PAFAH2: variants seen among roughly 807,000 people sequenced by gnomAD.
The protein encoded by PAFAH2 is platelet-activating factor acetylhydrolase 2, cytoplasmic.
PAFAH2 carries 42 observed loss-of-function variants against 49.0 expected under a neutral mutation model. That is an observed-to-expected ratio of 0.86 (90% CI 0.67 to 1.11). PAFAH2 has a LOEUF of 1.11. PAFAH2 is among the 50% of genes least tolerant of loss of function. PAFAH2 has a pLI of 0.00. For synonymous variants in PAFAH2, 184 were observed against 181.3 expected, an observed-to-expected ratio of 1.01 and a Z score of -0.12; for missense variants, 503 against 501.8, an observed-to-expected ratio of 1.00 and a Z score of -0.02.
At position 25,988,278 on chromosome 1, in the gene PAFAH2, G is replaced by C; in HGVS notation, c.294C>G (p.Asp98Glu). 1 of 1,610,742 alleles carries C rather than the reference G, an allele frequency of 6.2e-7. No homozygotes were observed. Among genetic ancestry groups the C allele is most frequent in the Non-Finnish European group, 8.5e-7 (1 of 1,178,504 alleles). ...VSWNGPFKTK[D>E]SGYPLIIFSH... Reference sequence around the variant, plus strand: ...AGAAGATGATCAAGGGGTATCCAGAGTCCTTTGTCTTAAAGGGGCCATTCC... The same window carrying C: ...AGAAGATGATCAAGGGGTATCCAGACTCCTTTGTCTTAAAGGGGCCATTCC... The change falls in exon 4 of 11, where the codon GAC (aspartate) becomes GAG (glutamate). Residue 98 changes from aspartate to glutamate, a missense_variant. Transcript: ENST00000374282.
At position 25,960,341 on chromosome 1, in the gene PAFAH2, TG is replaced by T. The variant is rs778770725; in HGVS notation, c.*1647del. On this transcript the variant is annotated 3_prime_UTR_variant, in exon 11 of 11. Coordinates refer to ENST00000374282, the MANE Select transcript of PAFAH2 (RefSeq NM_000437.4). ...CCCTTTTGCTCTTACCTACTTGGAC[TG>T]AGGCACGAAGTCTTGAGTAGTGGAG... The T allele has an allele frequency of 2.0e-5, 3 of 152,824 alleles. No individual in the cohort carries two copies. Among genetic ancestry groups the T allele is most frequent in the African/African-American group, 4.8e-5 (2 of 41,590 alleles). 9.5% of individuals were successfully genotyped at this position (152,824 alleles called of 1,614,324 possible). A position where few individuals can be genotyped will look rare whatever the true frequency, so the allele number is the denominator to read the frequency against.
intron 7 of PAFAH2, among the ~76,000 whole-genome samples, chr1:25,981,874 A>G (rs976734011): frequency 1.4e-4 from 22 of 152,142 alleles, no homozygotes; most frequent in Non-Finnish European, 5.9e-5. Context: ...TACAAAAATT[A>G]GCCAGGCACA....
At chr1:25,963,027 T>C (rs1344321533) in intron 10 of PAFAH2, among the ~76,000 whole-genome samples, 1 of 151,790 alleles carries the variant, frequency 6.6e-6, no homozygotes, top group African/African-American at 2.4e-5. Context: ...TCACAGCCAA[T>C]AGGGGTAACT....
chr1:25,962,821 G>GAA (rs112823048), intron 10 of PAFAH2, among the ~76,000 whole-genome samples: 6 of 105,296 alleles, frequency 5.7e-5, no homozygotes, highest in Non-Finnish European at 6.1e-5. Flanking sequence ...CCATGTCTCA[G>GAA]AAAAAAAAAA....
intron 4 of PAFAH2, among the ~76,000 whole-genome samples, chr1:25,987,638 G>A (rs1569571419): frequency 6.6e-6 from 1 of 152,016 alleles, no homozygotes; most frequent in East Asian, 1.9e-4. Flanking sequence ...CAGCACTTTT[G>A]GAAGGCTAGA....
At chr1:25,993,169 G>C (rs530416931) in intron 1 of PAFAH2, among the ~76,000 whole-genome samples, 2 of 152,188 alleles carry the variant, frequency 1.3e-5, no homozygotes. Context: ...TCCCTTTCTT[G>C]GTTAAACCAA....
chr1:25,970,282 C>T (rs1469250962), intron 10 of PAFAH2, among the ~76,000 whole-genome samples: 1 of 152,168 alleles, frequency 6.6e-6, no homozygotes, highest in Non-Finnish European at 1.5e-5. Flanking sequence ...GCCAGGCCAA[C>T]ATGGTGAAAC....
chr1:25,993,153 G>A (rs914494677), intron 1 of PAFAH2, among the ~76,000 whole-genome samples: 3 of 152,204 alleles, frequency 2.0e-5, no homozygotes, highest in African/African-American at 7.2e-5. Flanking sequence ...ACATGAGTCA[G>A]TAAGTTCCCT....
chr1:25,983,174 T>G (rs547885916), intron 6 of PAFAH2, among the ~76,000 whole-genome samples: 1 of 152,110 alleles, frequency 6.6e-6, no homozygotes, highest in South Asian at 2.1e-4. Context: ...GAGGATCGCT[T>G]GAGTTCAGGA....
In PAFAH2 at chr1:25,961,791, G is replaced by T; in HGVS notation, c.*198C>A. 2.0e-6 allele frequency: 1 copy of T among 495,912 alleles called. No homozygotes were observed. The highest frequency in any genetic ancestry group is 3.3e-5 in the East Asian group (1 of 30,580). 30.7% of individuals were successfully genotyped at this position (495,912 alleles called of 1,614,324 possible). On this transcript the variant is annotated 3_prime_UTR_variant, in exon 11 of 11. Coordinates refer to ENST00000374282, the MANE Select transcript of PAFAH2 (RefSeq NM_000437.4). ...AGAAAGTCTGTTTGTCAATCAGCAA[G>T]GGATCCCAGTCCCAAAGTGATTTTA...
At chr1:25,997,403 G>C (rs2049951448) in intron 1 of PAFAH2, 1 of 152,166 alleles carries the variant, frequency 6.6e-6, no homozygotes, top group South Asian at 2.1e-4. Context: ...AGTTTACAAG[G>C]CATCTTCACA....
chr1:25,972,434 A>T (rs2049522666), intron 10 of PAFAH2, 124 bp downstream of exon 10: 2 of 1,069,034 alleles, frequency 1.9e-6, no homozygotes, highest in Non-Finnish European at 1.4e-6. Flanking sequence ...TCTCTCCTTC[A>T]CTCAGGTTTT....
At chr1:25,994,288 C>T (rs1346773370) in intron 1 of PAFAH2, among the ~76,000 whole-genome samples, 3 of 152,036 alleles carry the variant, frequency 2.0e-5, no homozygotes, top group Non-Finnish European at 2.9e-5. Flanking sequence ...TGCCATCACA[C>T]CCGGCTAATT....
At chr1:25,995,030 C>CA (rs1569590283) in intron 1 of PAFAH2, among the ~76,000 whole-genome samples, 1 of 152,188 alleles carries the variant, frequency 6.6e-6, no homozygotes, top group Non-Finnish European at 1.5e-5. Flanking sequence ...TTACACAAAG[C>CA]ATCCAGAGTC....
intron 1 of PAFAH2, among the ~76,000 whole-genome samples, chr1:25,996,883 C>T (rs1159529115): frequency 6.6e-6 from 1 of 152,242 alleles, no homozygotes; most frequent in African/African-American, 2.4e-5. Context: ...CTATGTCTCT[C>T]TTTCCTAGCC....
intron 5 of PAFAH2, 156 bp from the exon 6 acceptor site, chr1:25,984,243 C>T: frequency 2.2e-6 from 2 of 907,124 alleles, no homozygotes; most frequent in South Asian, 1.7e-5. Flanking sequence ...GGAAAAAATA[C>T]AGATTTTAGA....
chr1:25,961,420 A>G lies in PAFAH2; in HGVS notation c.*569T>C, dbSNP rs2049336717. 6.6e-6 allele frequency: 1 copy of G among 152,372 alleles called. No individual in the cohort carries two copies. The highest frequency in any genetic ancestry group is 1.5e-5 in the Non-Finnish European group (1 of 68,210). The allele number at this position is 152,372 out of a possible 1,614,324, so 9.4% of individuals were successfully genotyped here. On this transcript the variant is annotated 3_prime_UTR_variant, in exon 11 of 11. Coordinates refer to ENST00000374282, the MANE Select transcript of PAFAH2 (RefSeq NM_000437.4). ...TACTACTGTAAGTATAAGTAGTACT[A>G]TGTTCCATACAATGAGAAGACTTGG...
chr1:25,968,157 C>T (rs1041704073), intron 10 of PAFAH2, among the ~76,000 whole-genome samples: 2 of 151,734 alleles, frequency 1.3e-5, no homozygotes, highest in African/African-American at 4.9e-5. Flanking sequence ...CAGAGTGAGA[C>T]TCTGTCCTAA....
chr1:25,985,002 G>C (rs912961155), intron 4 of PAFAH2, among the ~76,000 whole-genome samples: 1 of 151,960 alleles, frequency 6.6e-6, no homozygotes, highest in African/African-American at 2.4e-5. Flanking sequence ...TTACAGGCGT[G>C]CACCACCATG....
Sources: gnomAD v4.1 joint callset for allele counts (sites outside exome capture counted in the v4.1 genomes callset) on GRCh38, gnomAD v4.1.1 for gene constraint, MANE v1.5 for transcripts, NCBI Gene and HGNC (gene_info 2026-07-23, HGNC 2026-07-21) for gene names.